ABLIM2: variants seen among roughly 807,000 people sequenced by gnomAD.
ABLIM2 encodes the protein actin binding LIM protein family member 2.
Under a neutral mutation model 97.7 loss-of-function variants are expected in ABLIM2, and 53 were observed. The observed-to-expected ratio is 0.54, with a 90% CI of 0.44 to 0.68. The LOEUF (loss-of-function observed/expected upper bound fraction) is 0.68, where lower values mean the gene tolerates loss of function less well. ABLIM2 is among the 30% of genes least tolerant of loss of function. The pLI, the probability that ABLIM2 is intolerant of heterozygous loss-of-function variation, is 0.00. For synonymous variants in ABLIM2, 361 were observed against 345.8 expected (o/e 1.04, Z -0.49); for missense variants, 835 against 867.2 (o/e 0.96, Z 0.47).
chr4:8,039,233 G>C (rs1455539267), intron 9 of ABLIM2, among the ~76,000 whole-genome samples: 1 of 152,138 alleles, frequency 6.6e-6, no homozygotes, highest in Non-Finnish European at 1.5e-5. Flanking sequence ...TGCCTGGCGG[G>C]GTGTGTTTTG....
chr4:8,158,582 C>T (rs1246932518), intron 1 of ABLIM2, 98 bp downstream of exon 1: 22 of 1,399,684 alleles, frequency 1.6e-5, no homozygotes, highest in Non-Finnish European at 2.1e-5. Flanking sequence ...GGGTGATTTT[C>T]CCCGGCGTTG....
At chr4:8,041,930 A>T (rs545090428) in intron 9 of ABLIM2, among the ~76,000 whole-genome samples, 1 of 152,170 alleles carries the variant, frequency 6.6e-6, no homozygotes, top group African/African-American at 2.4e-5. Context: ...AAGAGCTCAT[A>T]TTTAATGAGC....
intron 6 of ABLIM2, 80 bp downstream of exon 6, chr4:8,077,548 C>T (rs1817027311): frequency 3.7e-6 from 5 of 1,339,684 alleles, no homozygotes; most frequent in Non-Finnish European, 5.2e-6. Context: ...CACAAACACA[C>T]ACAAATCTCC....
In ABLIM2 at chr4:8,001,761, T is replaced by C. The variant is rs1437267599; in HGVS notation, c.1618+6298A>G. On this transcript the variant is annotated intron_variant, in intron 16 of 20. Coordinates refer to ENST00000447017, the MANE Select transcript of ABLIM2 (RefSeq NM_001130083.2). This position sits in a 1 kb window ranked among gnomAD's most constrained non-coding sequence, Gnocchi z 4.2. Reference sequence around the variant, plus strand: ...TCCCTGGGCTGTCCCTCCACGCCCTTTCTGCAGGATCAGCCCTGCTGGCTG... The same window carrying C: ...TCCCTGGGCTGTCCCTCCACGCCCTCTCTGCAGGATCAGCCCTGCTGGCTG... 6.6e-6 allele frequency among the ~76,000 whole-genome samples: 1 copy of C among 152,072 alleles called. No homozygotes were observed. The highest frequency in any genetic ancestry group is 2.4e-5 in the African/African-American group (1 of 41,430).
chr4:8,103,598 A>C (rs1835733926), intron 2 of ABLIM2, among the ~76,000 whole-genome samples: 1 of 152,196 alleles, frequency 6.6e-6, no homozygotes, highest in Non-Finnish European at 1.5e-5. Context: ...GTCCATGGTC[A>C]CTAATCATCT....
At chr4:8,053,793 C>G (rs775744043) in intron 8 of ABLIM2, among the ~76,000 whole-genome samples, 12 of 152,120 alleles carry the variant, frequency 7.9e-5, no homozygotes, top group Non-Finnish European at 1.3e-4. Flanking sequence ...GGTTAGTTAT[C>G]TCGGGAGTTT....
chr4:8,041,976 G>A (rs11944368), intron 9 of ABLIM2, among the ~76,000 whole-genome samples: 95,482 of 151,616 alleles, frequency 0.63, 30,267 homozygotes, highest in Middle Eastern at 0.71. Context: ...AACAACAACA[G>A]CAGCAACAAC....
In ABLIM2 at chr4:8,019,667, A is replaced by C. The variant is rs886908004; in HGVS notation, c.1374T>G (p.Thr458=). The change falls in exon 14 of 21, where the codon ACT becomes ACG. Residue 458 remains threonine, a synonymous_variant. Transcript: ENST00000447017. The surrounding 1 kb of genome is among the most constrained non-coding windows in gnomAD (Gnocchi z 4.3). ...TCCTATAGATGTTATCTTTTACGCCAGTGTCTGGGGAAGAAGAAAGAAAAA... is the reference window on the plus strand; with the variant it reads ...TCCTATAGATGTTATCTTTTACGCCCGTGTCTGGGGAAGAAGAAAGAAAAA... ...QAPRHFHVPD[T]GVKDNIYRKP... The C allele has an allele frequency of 3.1e-6, 5 of 1,612,156 alleles. No individual in the cohort carries two copies. In the Admixed American group the frequency reaches 8.4e-5, roughly 27 times the overall value.
chr4:8,019,582 G>C lies in ABLIM2; in HGVS notation c.1423+36C>G. 1 of 1,592,228 alleles carries C rather than the reference G, an allele frequency of 6.3e-7. No individual in the cohort carries two copies. The highest frequency in any genetic ancestry group is 8.6e-7 in the Non-Finnish European group (1 of 1,167,212). ...GCAGATGGGTATTGACAGGCATGCG[G>C]GGCAAACCACAGCAGCGGGAGGAAT... On this transcript the variant is annotated intron_variant, in intron 14 of 20. Transcript: ENST00000447017. The surrounding 1 kb of genome is among the most constrained non-coding windows in gnomAD (Gnocchi z 4.3).
At chr4:8,051,549 C>T (rs1305347042) in intron 8 of ABLIM2, among the ~76,000 whole-genome samples, 5 of 120,230 alleles carry the variant, frequency 4.2e-5, no homozygotes, top group African/African-American at 6.9e-5. Context: ...GAAGACAGAG[C>T]GAGATTCCAT....
chr4:8,038,565 G>A (rs1430739796), intron 9 of ABLIM2, among the ~76,000 whole-genome samples: 2 of 152,180 alleles, frequency 1.3e-5, no homozygotes, highest in African/African-American at 2.4e-5. Context: ...ATTCTTCAGG[G>A]TCTGTTAGCC....
chr4:7,996,873 T>C lies in ABLIM2; in HGVS notation c.1619-3946A>G, dbSNP rs1753685844. Among the ~76,000 whole-genome samples, 1 of 152,152 alleles carries C rather than the reference T, an allele frequency of 6.6e-6. No homozygotes were observed. The highest frequency in any genetic ancestry group is 1.5e-5 in the Non-Finnish European group (1 of 68,026). On this transcript the variant is annotated intron_variant, in intron 16 of 20. Transcript: ENST00000447017. The surrounding 1 kb of genome is among the most constrained non-coding windows in gnomAD (Gnocchi z 4.5). ...AATCTGCTATCGCTTGAATTGGTGT[T>C]TCCCCTCTGTTTTTTCTCTCTGGTT...
intron 6 of ABLIM2, among the ~76,000 whole-genome samples, chr4:8,063,763 T>C (rs1157838999): frequency 3.3e-5 from 5 of 152,252 alleles, no homozygotes; most frequent in South Asian, 2.1e-4. Flanking sequence ...GATACAGTTA[T>C]GTTCCCTCTT....
chr4:8,139,667 T>C (rs1016565079), intron 1 of ABLIM2, among the ~76,000 whole-genome samples: 22 of 152,212 alleles, frequency 1.4e-4, no homozygotes, highest in Admixed American at 1.4e-3. Flanking sequence ...TATACATTAG[T>C]TCCACCATTG....
intron 12 of ABLIM2, 93 bp downstream of exon 12, chr4:8,027,666 G>T: frequency 9.7e-7 from 1 of 1,031,200 alleles, no homozygotes; most frequent in Non-Finnish European, 1.3e-6. Flanking sequence ...AGGGGCTCCG[G>T]TGAAGCCATG....
rs559373303 is a variant in ABLIM2, at chr4:8,132,673, C to A, written c.10+26007G>T. On this transcript the variant is annotated intron_variant, in intron 1 of 20. Transcript: ENST00000447017. This position sits in a 1 kb window ranked among gnomAD's most constrained non-coding sequence, Gnocchi z 8.0. Reference sequence around the variant, plus strand: ...TGAAGCACGGCCCCTACCCCGCTGTCTTCCCTCGGGTGACTCAGTCCTGGG... The same window carrying A: ...TGAAGCACGGCCCCTACCCCGCTGTATTCCCTCGGGTGACTCAGTCCTGGG... 5.9e-4 allele frequency among the ~76,000 whole-genome samples: 90 copies of A among 152,366 alleles called. No homozygotes were observed. The highest frequency in any genetic ancestry group is 2.1e-3 in the African/African-American group (87 of 41,578).
intron 6 of ABLIM2, among the ~76,000 whole-genome samples, chr4:8,062,369 C>A (rs1027373970): frequency 2.6e-5 from 4 of 152,180 alleles, no homozygotes; most frequent in Non-Finnish European, 5.9e-5. Flanking sequence ...CATCTGGCCC[C>A]AGAATGTGGG....
At chr4:8,103,036 G>A (rs1483286747) in intron 2 of ABLIM2, among the ~76,000 whole-genome samples, 1 of 152,252 alleles carries the variant, frequency 6.6e-6, no homozygotes, top group African/African-American at 2.4e-5. Flanking sequence ...TGATGTTGGA[G>A]CAACGGCAGC....
rs994137883 is a variant in ABLIM2 at position 7,996,181 on chromosome 4, C to T, written c.1619-3254G>A. Reference sequence around the variant, plus strand: ...GCCCCAACCTTGCCAGGGAACTCGTCAGAAATGCAAATTAGTGGGCCCTAC... The same window carrying T: ...GCCCCAACCTTGCCAGGGAACTCGTTAGAAATGCAAATTAGTGGGCCCTAC... On this transcript the variant is annotated intron_variant, in intron 16 of 20. Coordinates refer to ENST00000447017, the MANE Select transcript of ABLIM2 (RefSeq NM_001130083.2). The surrounding 1 kb of genome is among the most constrained non-coding windows in gnomAD (Gnocchi z 4.5). Among the ~76,000 whole-genome samples the T allele has an allele frequency of 2.0e-5, 3 of 152,230 alleles. No homozygotes were observed. The highest frequency in any genetic ancestry group is 4.4e-5 in the Non-Finnish European group (3 of 68,042).
Sources: allele counts gnomAD v4.1 joint callset (sites outside exome capture counted in the v4.1 genomes callset), GRCh38; gene constraint gnomAD v4.1.1; non-coding constraint Gnocchi (gnomAD v3.1); transcripts MANE v1.5; gene names NCBI Gene and HGNC (gene_info 2026-07-23, HGNC 2026-07-21).